The following SFT2D2 variants were observed in gnomAD, a reference collection of about 807,000 sequenced individuals.
SFT2D2 encodes the protein SFT2 domain containing 2, also known as vesicle transport protein SFT2B.
In SFT2D2, 21 loss-of-function variants were observed where a neutral mutation model predicts 27.4. The observed-to-expected ratio is 0.77, with a 90% CI of 0.54 to 1.10. SFT2D2 has a LOEUF of 1.10. Ranked by LOEUF, SFT2D2 falls within the 50% of genes least tolerant of loss-of-function variation. The pLI is 0.00. For missense variants in SFT2D2, 187 were observed against 194.2 expected, an observed-to-expected ratio of 0.96 and a Z score of 0.22; for synonymous variants, 72 against 71.7, an observed-to-expected ratio of 1.00 and a Z score of -0.02.
At chr1:168,235,055 T>C (rs1052091825) in intron 3 of SFT2D2, 46 bp from the exon 4 acceptor site, 67 of 1,544,042 alleles carry the variant, frequency 4.3e-5, no homozygotes, top group Non-Finnish European at 5.6e-5. Context: ...GTGTGCCTAG[T>C]GCAGTTCTGT....
At chr1:168,237,564 A>G (rs1188067627) in intron 6 of SFT2D2, among the ~76,000 whole-genome samples, 1 of 152,212 alleles carries the variant, frequency 6.6e-6, no homozygotes, top group Non-Finnish European at 1.5e-5. Flanking sequence ...GTTTCAGTAT[A>G]GATGTGACTC....
rs1298363087 is a variant in SFT2D2 at position 168,226,172 on chromosome 1, C to A, written c.63+30C>A. 2.6e-6 allele frequency: 4 copies of A among 1,520,970 alleles called. No individual in the cohort carries two copies. The Admixed American group carries it at 8.4e-5, about 32-fold the overall frequency. The allele number at this position is 1,520,970 out of a possible 1,614,324, so 94.2% of individuals were successfully genotyped here. A position where few individuals can be genotyped will look rare whatever the true frequency, so the allele number is the denominator to read the frequency against. On this transcript the variant is annotated intron_variant, in intron 1 of 7. Transcript: ENST00000271375. ...GTGAGCCCGGGGCCGTCGGCCCCCT[C>A]TCGCCGCGCTCCCGCCCTGCGTCCC...
rs1647942149 is a variant in SFT2D2 at position 168,251,171 on chromosome 1, G to C, written c.*8631G>C. 8 of 152,182 alleles carry C rather than the reference G, an allele frequency of 5.3e-5. No homozygotes were observed. The South Asian group carries it at 1.5e-3, about 28-fold the overall frequency. The allele number at this position is 152,182 out of a possible 1,614,324, so 9.4% of individuals were successfully genotyped here. A position where few individuals can be genotyped will look rare whatever the true frequency, so the allele number is the denominator to read the frequency against. On this transcript the variant is annotated 3_prime_UTR_variant, in exon 8 of 8. Transcript: ENST00000271375. Reference sequence around the variant, plus strand: ...ATACAACAGCAAAAAAATCAGCCAGGCTAGCTGGTGTGCGCCTATAATCCC... The same window carrying C: ...ATACAACAGCAAAAAAATCAGCCAGCCTAGCTGGTGTGCGCCTATAATCCC...
chr1:168,252,746 A>G lies in SFT2D2; in HGVS notation c.*10206A>G, dbSNP rs1346232181. Reference sequence around the variant, plus strand: ...TTTAAAATGTTTGAGCTTTTAAAATACGTTGTTAAAACATGAATCCATTTT... The same window carrying G: ...TTTAAAATGTTTGAGCTTTTAAAATGCGTTGTTAAAACATGAATCCATTTT... On this transcript the variant is annotated 3_prime_UTR_variant, in exon 8 of 8. Coordinates refer to ENST00000271375, the MANE Select transcript of SFT2D2 (RefSeq NM_199344.3). 6.6e-6 allele frequency: 1 copy of G among 152,228 alleles called. No homozygotes were observed. Among genetic ancestry groups the G allele is most frequent in the African/African-American group, 2.4e-5 (1 of 41,458 alleles). 9.4% of individuals were successfully genotyped at this position (152,228 alleles called of 1,614,324 possible). A position where few individuals can be genotyped will look rare whatever the true frequency, so the allele number is the denominator to read the frequency against.
chr1:168,226,972 A>C (rs1223951218), intron 1 of SFT2D2, among the ~76,000 whole-genome samples: 2 of 152,010 alleles, frequency 1.3e-5, no homozygotes, highest in Admixed American at 1.3e-4. Flanking sequence ...GACACCCGCC[A>C]TCAAACCCGG....
Position 168,244,174 on chromosome 1 carries a change from GT to G in SFT2D2, c.*1649del, listed in dbSNP as rs1478783133. 150 of 141,686 alleles carry G rather than the reference GT, an allele frequency of 1.1e-3. No homozygotes were observed. The highest frequency in any genetic ancestry group is 7.5e-3 in the Middle Eastern group (2 of 266). 8.8% of individuals were successfully genotyped at this position (141,686 alleles called of 1,614,324 possible). ...CTACTGTGGCTAAGAACTCTGACTGGTTTTTTTTTTTTTTTCTTTTTGAGAT... is the reference window on the plus strand; with the variant it reads ...CTACTGTGGCTAAGAACTCTGACTGGTTTTTTTTTTTTTTCTTTTTGAGAT... On this transcript the variant is annotated 3_prime_UTR_variant, in exon 8 of 8. Transcript: ENST00000271375.
At position 168,251,724 on chromosome 1, in the gene SFT2D2, T is replaced by C. The variant is rs974207969; in HGVS notation, c.*9184T>C. 6.6e-6 allele frequency: 1 copy of C among 152,150 alleles called. No homozygotes were observed. 9.4% of individuals were successfully genotyped at this position (152,150 alleles called of 1,614,324 possible). On this transcript the variant is annotated 3_prime_UTR_variant, in exon 8 of 8. Coordinates refer to ENST00000271375, the MANE Select transcript of SFT2D2 (RefSeq NM_199344.3). ...TTTTTAATTTAAAAATCTTAAGTTT[T>C]TTTTAGTAAGCTTAAGATGTCCAGT... is the stretch of plus-strand genomic sequence containing the variant.
Position 168,226,078 on chromosome 1 carries a change from C to T in SFT2D2, c.-2C>T, listed in dbSNP as rs202090328. On this transcript the variant is annotated 5_prime_UTR_variant, in exon 1 of 8. Coordinates refer to ENST00000271375, the MANE Select transcript of SFT2D2 (RefSeq NM_199344.3). ...GCTGGAGCTGGTGGGGACTGGGCCG[C>T]AATGGACAAGCTGAAGAAGGTGCTG... 99 of 1,532,062 alleles carry T rather than the reference C, an allele frequency of 6.5e-5. No homozygotes were observed. Among genetic ancestry groups the T allele is most frequent in the Non-Finnish European group, 8.2e-5 (93 of 1,138,502 alleles). The allele number at this position is 1,532,062 out of a possible 1,614,324, so 94.9% of individuals were successfully genotyped here. A position where few individuals can be genotyped will look rare whatever the true frequency, so the allele number is the denominator to read the frequency against.
Position 168,231,898 on chromosome 1 carries a change from GTA to G in SFT2D2, c.216_217del (p.Asn73TyrfsTer22). On this transcript the variant is annotated frameshift_variant, in exon 3 of 8. Transcript: ENST00000271375. LOFTEE classifies it high-confidence loss of function. ...CTCTTCGCAGTGTTTTATACCTTTGGTAATATCGCATCAATTGGGAGGTAACT... is the reference window on the plus strand; with the variant it reads ...CTCTTCGCAGTGTTTTATACCTTTGGATATCGCATCAATTGGGAGGTAACT... 6.2e-7 allele frequency: 1 copy of G among 1,614,088 alleles called. No individual in the cohort carries two copies. The highest frequency in any genetic ancestry group is 8.5e-7 in the Non-Finnish European group (1 of 1,180,002).
At chr1:168,239,564 G>A (rs1647591552) in intron 7 of SFT2D2, among the ~76,000 whole-genome samples, 1 of 151,444 alleles carries the variant, frequency 6.6e-6, no homozygotes, top group African/African-American at 2.4e-5. Flanking sequence ...TGCTGGGAAG[G>A]TTTCACAAGA....
intron 7 of SFT2D2, among the ~76,000 whole-genome samples, chr1:168,241,519 G>A (rs1260075421): frequency 6.6e-6 from 1 of 151,912 alleles, no homozygotes; most frequent in Non-Finnish European, 1.5e-5. Context: ...AAGTTCCCCT[G>A]GAATAGCTTT....
At chr1:168,236,870 C>A in intron 6 of SFT2D2, 100 bp downstream of exon 6, 1 of 1,341,824 alleles carries the variant, frequency 7.5e-7, no homozygotes, top group Non-Finnish European at 1.0e-6. Context: ...ATTAAGAAAA[C>A]ACAGAAGCTG....
chr1:168,237,875 T>TA (rs34872775), intron 6 of SFT2D2, among the ~76,000 whole-genome samples: 86,842 of 148,526 alleles, frequency 0.58, 25,735 homozygotes, highest in Non-Finnish European at 0.65. Context: ...TTTTTTTTTT[T>TA]AAATGACATG....
rs1167006755 is a variant in SFT2D2 at position 168,243,106 on chromosome 1, T to A, written c.*566T>A. ...GCACTTTTTGGTGGTATATGCTGTT[T>A]CTGAATTTGAATCTAAGCATTCTTG... On this transcript the variant is annotated 3_prime_UTR_variant, in exon 8 of 8. Transcript: ENST00000271375. 1.3e-5 allele frequency: 2 copies of A among 153,840 alleles called. No homozygotes were observed. Among genetic ancestry groups the A allele is most frequent in the African/African-American group, 4.8e-5 (2 of 41,456 alleles). The allele number at this position is 153,840 out of a possible 1,614,324, so 9.5% of individuals were successfully genotyped here.
Position 168,244,014 on chromosome 1 carries a change from A to T in SFT2D2, c.*1474A>T, listed in dbSNP as rs1039927612. 1.3e-5 allele frequency: 2 copies of T among 152,128 alleles called. No individual in the cohort carries two copies. The highest frequency in any genetic ancestry group is 6.6e-5 in the Admixed American group (1 of 15,252). The allele number at this position is 152,128 out of a possible 1,614,324, so 9.4% of individuals were successfully genotyped here. A position where few individuals can be genotyped will look rare whatever the true frequency, so the allele number is the denominator to read the frequency against. ...CAGAGTCATCCTACAAATGACGTTT[A>T]TCTGGATTGCCTTTCTGTTCTTTGC... On this transcript the variant is annotated 3_prime_UTR_variant, in exon 8 of 8. Transcript: ENST00000271375.
intron 6 of SFT2D2, 115 bp downstream of exon 6, chr1:168,236,885 A>G (rs1572453575): frequency 1.0e-5 from 2 of 195,230 alleles, no homozygotes; most frequent in Non-Finnish European, 1.0e-5. Context: ...AAGCTGTTTA[A>G]TTTAAGGATT....
chr1:168,226,163 C>T (rs1372137756), intron 1 of SFT2D2, 21 bp downstream of exon 1: 2 of 1,525,756 alleles, frequency 1.3e-6, no homozygotes, highest in African/African-American at 1.4e-5. Flanking sequence ...CCGGGGCCGT[C>T]GGCCCCCTCT....
chr1:168,228,767 T>G (rs1185046718), intron 1 of SFT2D2, among the ~76,000 whole-genome samples: 2 of 152,338 alleles, frequency 1.3e-5, no homozygotes, highest in South Asian at 2.1e-4. Flanking sequence ...GAAAGGGACC[T>G]TTGTGAATAA....
chr1:168,226,203 CG>C, intron 1 of SFT2D2, 61 bp downstream of exon 1: 1 of 1,464,760 alleles, frequency 6.8e-7, no homozygotes, highest in South Asian at 1.3e-5. Flanking sequence ...GTCCCCTGCC[CG>C]GGCCTGGGAA....
Sources: allele counts gnomAD v4.1 joint callset (sites outside exome capture counted in the v4.1 genomes callset), GRCh38; gene constraint gnomAD v4.1.1; transcripts MANE v1.5; gene names NCBI Gene and HGNC (gene_info 2026-07-23, HGNC 2026-07-21).